Variants in N4BP2 observed in about 807,000 individuals in gnomAD.
N4BP2 encodes the protein NEDD4 binding protein 2.
A neutral mutation model predicts 152.8 loss-of-function variants in N4BP2; 91 were observed. The ratio of observed to expected loss-of-function variants is 0.60; its 90% CI spans 0.50 to 0.71. The LOEUF (loss-of-function observed/expected upper bound fraction) is 0.71. N4BP2 is among the 30% of genes least tolerant of loss of function. N4BP2 has a pLI of 0.00. For missense variants in N4BP2, 1,923 were observed against 2,059.1 expected (o/e 0.93, Z 1.28); for synonymous variants, 646 against 705.3 (o/e 0.92, Z 1.33).
chr4:40,153,010 T>G, intron 17 of N4BP2, 107 bp downstream of exon 17: 1 of 1,038,776 alleles, frequency 9.6e-7, no homozygotes, highest in South Asian at 1.6e-5. Context: ...ATAGCCCTAA[T>G]ATAGCTAGGT....
intron 16 of N4BP2, among the ~76,000 whole-genome samples, chr4:40,146,201 A>G (rs1178066138): frequency 1.3e-5 from 2 of 151,940 alleles, no homozygotes; most frequent in Admixed American, 6.6e-5. Context: ...AATAAAATAA[A>G]ATAAGAAAAT....
intron 2 of N4BP2, among the ~76,000 whole-genome samples, chr4:40,081,157 G>GA (rs768718613): frequency 6.6e-6 from 1 of 151,886 alleles, no homozygotes; most frequent in South Asian, 2.1e-4. Context: ...CCTGATTATG[G>GA]AAAAAATGCA....
At position 40,057,773 on chromosome 4, in the gene N4BP2, G is replaced by GT. The variant is rs3070962; in HGVS notation, c.-212+753dup. ...CTCTCATGCGCTTTTGGTTAAAATA[G>GT]TTTTTTTTTTCCCTCCGAAAGAGAG... On this transcript the variant is annotated intron_variant, in intron 1 of 17. Coordinates refer to ENST00000261435, the MANE Select transcript of N4BP2 (RefSeq NM_018177.6). 4.1e-3 allele frequency among the ~76,000 whole-genome samples: 613 copies of GT among 150,246 alleles called. 3 individuals are homozygous for GT. The highest frequency in any genetic ancestry group is 6.9e-3 in the Middle Eastern group (2 of 290).
rs939014305 is a variant in N4BP2, at chr4:40,136,962, A to G, written c.4665A>G (p.Thr1555=). Residue 1555 remains threonine (T), a synonymous_variant, in exon 14 of 18, where the codon ACA becomes ACG. Transcript: ENST00000261435. ...TCTACAGCTATTCATTAGAACACAC[A>G]GTGCAATTTCTTAACTGTGTTCTTG... ...FKDHNYSLEH[T]VQFLNCVLEG... is the part of the protein sequence containing the mutation. 1 of 1,611,614 alleles carries G rather than the reference A, an allele frequency of 6.2e-7. No homozygotes were observed. Among genetic ancestry groups the G allele is most frequent in the Middle Eastern group, 1.7e-4 (1 of 6,048 alleles).
At chr4:40,072,163 C>T (rs573874922) in intron 1 of N4BP2, among the ~76,000 whole-genome samples, 6 of 151,940 alleles carry the variant, frequency 3.9e-5, no homozygotes, top group Non-Finnish European at 8.8e-5. Context: ...CAATCTCCGC[C>T]TTCCGGGTTC....
intron 2 of N4BP2, among the ~76,000 whole-genome samples, chr4:40,075,933 C>A (rs1307402645): frequency 6.6e-6 from 1 of 152,090 alleles, no homozygotes; most frequent in Non-Finnish European, 1.5e-5. Context: ...CCCAAACAAT[C>A]CTCCTACCTC....
chr4:40,071,202 G>A (rs1477979608), intron 1 of N4BP2, among the ~76,000 whole-genome samples: 3 of 152,002 alleles, frequency 2.0e-5, no homozygotes, highest in Non-Finnish European at 4.4e-5. Context: ...CTTCCCTGTG[G>A]TATTGACCTG....
At chr4:40,134,066 C>A (rs1161610570) in intron 13 of N4BP2, among the ~76,000 whole-genome samples, 1 of 152,174 alleles carries the variant, frequency 6.6e-6, no homozygotes, top group African/African-American at 2.4e-5. Flanking sequence ...CTATTGGCCT[C>A]CCAAAGTTCT....
rs747689257 is a variant in N4BP2, at chr4:40,112,184, A to G, written c.1587+12A>G. 3 of 1,390,096 alleles carry G rather than the reference A, an allele frequency of 2.2e-6. No individual in the cohort carries two copies. In the East Asian group the frequency reaches 7.0e-5, roughly 33 times the overall value. The allele number at this position is 1,390,096 out of a possible 1,614,324, so 86.1% of individuals were successfully genotyped here. On this transcript the variant is annotated intron_variant, in intron 6 of 17. Coordinates refer to ENST00000261435, the MANE Select transcript of N4BP2 (RefSeq NM_018177.6). Reference sequence around the variant, plus strand: ...CATATGTTGCTTTGGTTAGTACCATAAGTTGTCATAAGTTTATAACAGTTT... The same window carrying G: ...CATATGTTGCTTTGGTTAGTACCATGAGTTGTCATAAGTTTATAACAGTTT...
intron 2 of N4BP2, chr4:40,083,125 AAAAAGGAAAAAAC>A (rs148188777): frequency 0.35 from 55,834 of 157,968 alleles, 10,373 homozygotes; most frequent in South Asian, 0.51. Context: ...GCAGACATAG[AAAAAGGAAAAAAC>A]AAAAGGAAAA....
At chr4:40,064,848 C>T (rs1318411075) in intron 1 of N4BP2, among the ~76,000 whole-genome samples, 5 of 151,908 alleles carry the variant, frequency 3.3e-5, no homozygotes, top group Non-Finnish European at 5.9e-5. Flanking sequence ...CGGCTCACTG[C>T]AACCTCCGCC....
intron 2 of N4BP2, among the ~76,000 whole-genome samples, chr4:40,091,602 C>CTTTTTTTTT (rs35142277): frequency 8.7e-5 from 7 of 80,470 alleles, no homozygotes; most frequent in Non-Finnish European, 1.7e-4. Context: ...GTATACAATC[C>CTTTTTTTTT]TTTTTTTTTT....
At chr4:40,135,074 A>G (rs1719258956) in intron 13 of N4BP2, among the ~76,000 whole-genome samples, 1 of 146,710 alleles carries the variant, frequency 6.8e-6, no homozygotes, top group Non-Finnish European at 1.5e-5. Context: ...CATTAGGTAT[A>G]TCTCCCAATG....
At chr4:40,099,718 C>T (rs1487169788) in intron 3 of N4BP2, among the ~76,000 whole-genome samples, 1 of 151,412 alleles carries the variant, frequency 6.6e-6, no homozygotes, top group South Asian at 2.1e-4. Flanking sequence ...TTAATTTTTC[C>T]CAGCAATCTG....
intron 12 of N4BP2, among the ~76,000 whole-genome samples, chr4:40,129,690 C>A (rs916177557): frequency 6.6e-6 from 1 of 151,920 alleles, no homozygotes; most frequent in Non-Finnish European, 1.5e-5. Flanking sequence ...AGGCTGGTCT[C>A]GAACTCCTGG....
At chr4:40,119,243 G>A (rs550047600) in intron 8 of N4BP2, among the ~76,000 whole-genome samples, 9 of 152,218 alleles carry the variant, frequency 5.9e-5, no homozygotes, top group South Asian at 2.1e-4. Flanking sequence ...AAAACTCAGC[G>A]TTAGGTATGA....
intron 7 of N4BP2, among the ~76,000 whole-genome samples, chr4:40,113,965 T>C (rs1448568044): frequency 1.3e-5 from 2 of 152,174 alleles, no homozygotes; most frequent in Non-Finnish European, 2.9e-5. Context: ...ACACCTGAAC[T>C]ATGTGCTACT....
intron 2 of N4BP2, among the ~76,000 whole-genome samples, chr4:40,085,397 A>G (rs1474779338): frequency 6.6e-6 from 1 of 152,232 alleles, no homozygotes; most frequent in Non-Finnish European, 1.5e-5. Flanking sequence ...GTGGGTCTAC[A>G]GTCAGAGAAG....
At chr4:40,187,106 G>A in the N4BP2 span, among the ~76,000 whole-genome samples, 2,285 of 152,314 alleles carry the variant, frequency 0.015, 52 homozygotes, top group African/African-American at 0.052. Context: ...AAATTAATTG[G>A]TGAGGAAGAA....
Sources: allele counts gnomAD v4.1 joint callset (sites outside exome capture counted in the v4.1 genomes callset), GRCh38; gene constraint gnomAD v4.1.1; transcripts MANE v1.5; gene names NCBI Gene and HGNC (gene_info 2026-07-23, HGNC 2026-07-21).